Variants in GOSR2 observed in about 807,000 individuals in gnomAD.
GOSR2 encodes 27 kDa Golgi SNARE protein.
GOSR2 carries 20 observed loss-of-function variants against 27.9 expected under a neutral mutation model. The observed-to-expected ratio is 0.72, with a 90% confidence interval of 0.50 to 1.04. GOSR2 has a LOEUF of 1.04. Among genes scored for constraint, GOSR2 ranks in the 50% least tolerant of loss-of-function variants. The pLI is 0.00. For missense variants in GOSR2, 261 were observed against 270.5 expected (o/e 0.97, Z 0.25); for synonymous variants, 91 against 98.8 (o/e 0.92, Z 0.47).
At chr17:46,944,298 T>G (rs551590517), downstream of GOSR2, among the ~76,000 whole-genome samples, 1 of 152,350 alleles carries the variant, frequency 6.6e-6, no homozygotes, top group East Asian at 1.9e-4. Flanking sequence ...GTAAGAGCGC[T>G]GAGCCCAGGA....
At chr17:46,966,996 T>C (rs1167379855) in exon 7 of GOSR2, 1 of 262,636 alleles carries the variant, frequency 3.8e-6, no homozygotes, top group Non-Finnish European at 7.1e-6. Context: ...CTTTGATTTC[T>C]GTGATGTGTG....
At chr17:46,952,438 A>G (rs573730024) in intron 6 of GOSR2, among the ~76,000 whole-genome samples, 1 of 152,214 alleles carries the variant, frequency 6.6e-6, no homozygotes, top group South Asian at 2.1e-4. Context: ...CACTAGCTAC[A>G]CGCCACTTTT....
At chr17:46,970,166 G>A (rs886325782), downstream of GOSR2, among the ~76,000 whole-genome samples, 3 of 152,116 alleles carry the variant, frequency 2.0e-5, no homozygotes, top group African/African-American at 7.2e-5. Context: ...TCCATCCCAC[G>A]GCTGTCCTGC....
At chr17:46,936,105 C>CA in intron 5 of GOSR2, 2 of 985,952 alleles carry the variant, frequency 2.0e-6, no homozygotes, top group South Asian at 9.4e-5. Context: ...CTCCTGCTGA[C>CA]AGTTGCAGTG....
At chr17:46,923,281 T>C in intron 1 of GOSR2, 60 bp downstream of exon 1, 1 of 1,549,948 alleles carries the variant, frequency 6.5e-7, no homozygotes. Context: ...TGAGCCTGGC[T>C]TCTGGGGCTG....
downstream of GOSR2, among the ~76,000 whole-genome samples, chr17:46,943,560 G>C (rs533348179): frequency 6.6e-6 from 1 of 152,230 alleles, no homozygotes; most frequent in Non-Finnish European, 1.5e-5. Flanking sequence ...CACGCTTCCT[G>C]CGGAATGGGA....
downstream of GOSR2, among the ~76,000 whole-genome samples, chr17:46,975,817 C>T (rs1446880093): frequency 6.6e-6 from 1 of 152,170 alleles, no homozygotes. Context: ...CCCACTAAGG[C>T]TTTCCTTTTC....
At chr17:46,959,223 CTG>C (rs1339002936) in intron 6 of GOSR2, among the ~76,000 whole-genome samples, 4 of 152,324 alleles carry the variant, frequency 2.6e-5, no homozygotes, top group African/African-American at 7.2e-5. Flanking sequence ...GACAGACTGA[CTG>C]TGAGCTCAGA....
In GOSR2 at chr17:46,940,094, C is replaced by T. The variant is rs1393561309; in HGVS notation, c.*1334C>T. On this transcript the variant is annotated 3_prime_UTR_variant, in exon 6 of 6. Transcript: ENST00000640051. Reference sequence around the variant, plus strand: ...TTGAACTGTCTTCTGTCTTATTTCCCTTCCTTTCTGTGTTCCTCTTCACCT... The same window carrying T: ...TTGAACTGTCTTCTGTCTTATTTCCTTTCCTTTCTGTGTTCCTCTTCACCT... 1.4e-5 allele frequency: 16 copies of T among 1,144,218 alleles called. No individual in the cohort carries two copies. Among genetic ancestry groups the T allele is most frequent in the East Asian group, 5.2e-5 (1 of 19,188 alleles). 70.9% of individuals were successfully genotyped at this position (1,144,218 alleles called of 1,614,324 possible).
In GOSR2 at chr17:46,961,267, G is replaced by C. The variant is rs2147298027; in HGVS notation, c.584-5267G>C. On this transcript the variant is annotated intron_variant, in intron 6 of 6. Coordinates refer to the GOSR2 transcript ENST00000573224. ...AGAGACTATGAAAGAAGTAAGAGAA[G>C]AAACAAATATCTGTAATTTTAGCAC... is the stretch of plus-strand genomic sequence containing the variant. 3.9e-5 allele frequency among the ~76,000 whole-genome samples: 6 copies of C among 152,256 alleles called. No individual in the cohort carries two copies. In the South Asian group the frequency reaches 1.2e-3, roughly 32 times the overall value.
chr17:46,926,293 G>A (rs2086483940), intron 1 of GOSR2, among the ~76,000 whole-genome samples: 1 of 152,110 alleles, frequency 6.6e-6, no homozygotes, highest in Non-Finnish European at 1.5e-5. Context: ...AAACTTACAT[G>A]ATGCTGTGTA....
intron 6 of GOSR2, among the ~76,000 whole-genome samples, chr17:46,974,987 CTT>C (rs58438726): frequency 1.2e-3 from 146 of 119,042 alleles, no homozygotes; most frequent in African/African-American, 4.1e-3. Context: ...TTACTATTTT[CTT>C]TTTTTTTTTT....
In GOSR2 at chr17:46,941,894, G is replaced by A. The variant is rs1323629989; in HGVS notation, c.*3134G>A. ...AGCCACTGTACCTGGCCTCTAAGGTGATTCTGATGTGTGTATTTTGGAACC... is the reference window on the plus strand; with the variant it reads ...AGCCACTGTACCTGGCCTCTAAGGTAATTCTGATGTGTGTATTTTGGAACC... On this transcript the variant is annotated 3_prime_UTR_variant, in exon 6 of 6. Transcript: ENST00000640051. 2.0e-6 allele frequency: 2 copies of A among 983,226 alleles called. No individual in the cohort carries two copies. The highest frequency in any genetic ancestry group is 1.7e-5 in the African/African-American group (1 of 57,168). The allele number at this position is 983,226 out of a possible 1,614,324, so 60.9% of individuals were successfully genotyped here.
intron 6 of GOSR2, among the ~76,000 whole-genome samples, chr17:46,961,946 T>C (rs771173395): frequency 6.6e-6 from 1 of 152,158 alleles, no homozygotes; most frequent in African/African-American, 2.4e-5. Context: ...TTTTATTTAA[T>C]CAACAAATAC....
intron 5 of GOSR2, chr17:46,936,215 C>T (rs1313138185): frequency 1.0e-6 from 1 of 985,306 alleles, no homozygotes; most frequent in Non-Finnish European, 1.2e-6. Context: ...GTTGATTAGT[C>T]TGCCCTTTCT....
intron 6 of GOSR2, among the ~76,000 whole-genome samples, chr17:46,963,127 C>T (rs948608462): frequency 2.6e-5 from 4 of 152,214 alleles, no homozygotes; most frequent in African/African-American, 9.6e-5. Context: ...GGATGAAAAA[C>T]ACAAGACATT....
intron 1 of GOSR2, among the ~76,000 whole-genome samples, chr17:46,925,096 A>G (rs975510286): frequency 1.3e-4 from 20 of 151,090 alleles, no homozygotes; most frequent in Admixed American, 5.9e-4. Context: ...GCCTCCAACA[A>G]TGCACCCTTG....
downstream of GOSR2, among the ~76,000 whole-genome samples, chr17:46,942,997 G>C (rs1032010552): frequency 1.3e-5 from 2 of 152,190 alleles, no homozygotes; most frequent in Admixed American, 6.5e-5. Context: ...TCCCTCGGGA[G>C]CTTTAAAAAC....
At chr17:46,926,207 A>T (rs1309835815) in intron 1 of GOSR2, among the ~76,000 whole-genome samples, 23 of 152,150 alleles carry the variant, frequency 1.5e-4, no homozygotes, top group Admixed American at 1.5e-3. Context: ...CCCTTTAATG[A>T]GCGAAATGTA....
Sources: allele counts gnomAD v4.1 joint callset (sites outside exome capture counted in the v4.1 genomes callset), GRCh38; gene constraint gnomAD v4.1.1; transcripts MANE v1.5; gene names NCBI Gene and HGNC (gene_info 2026-07-23, HGNC 2026-07-21).